The following TOM1L1 variants were observed in gnomAD, a reference collection of about 807,000 sequenced individuals.
TOM1L1 encodes the protein TOM1-like protein 1.
In TOM1L1, 64 loss-of-function variants were observed where a neutral mutation model predicts 63.4. The ratio of observed to expected loss-of-function variants is 1.01; its 90% CI spans 0.83 to 1.24. The LOEUF is 1.24. Among genes scored for constraint, TOM1L1 ranks in the 50% most tolerant of loss-of-function variants. The pLI is 0.00. For missense variants in TOM1L1, 536 were observed against 567.0 expected (o/e 0.95, Z 0.55); for synonymous variants, 166 against 194.4 (o/e 0.85, Z 1.22).
At chr17:54,949,433 T>G in intron 12 of TOM1L1, 85 bp from the exon 13 acceptor site, 2 of 979,484 alleles carry the variant, frequency 2.0e-6, no homozygotes, top group Non-Finnish European at 3.2e-6. Context: ...CTTGGAACAA[T>G]GTACTTGCAA....
intron 8 of TOM1L1, among the ~76,000 whole-genome samples, chr17:54,934,716 T>A (rs1259411103): frequency 3.9e-5 from 1 of 25,492 alleles, no homozygotes; most frequent in Non-Finnish European, 7.8e-5. Context: ...TAGATGGATT[T>A]TTTTTTTTTT....
chr17:54,960,440 T>C, intron 14 of TOM1L1, 126 bp from the exon 15 acceptor site: 1 of 683,918 alleles, frequency 1.5e-6, no homozygotes, highest in South Asian at 1.7e-5. Context: ...AGAGACTTAT[T>C]TTTACTCATA....
At chr17:54,927,334 G>A (rs970975618) in intron 7 of TOM1L1, among the ~76,000 whole-genome samples, 10 of 152,124 alleles carry the variant, frequency 6.6e-5, no homozygotes, top group Admixed American at 1.3e-4. Context: ...GCTCTTTCAA[G>A]AGAGATATTC....
intron 7 of TOM1L1, among the ~76,000 whole-genome samples, chr17:54,917,739 C>T (rs1361650808): frequency 6.6e-6 from 1 of 152,200 alleles, no homozygotes; most frequent in African/African-American, 2.4e-5. Context: ...GCATTCTCTG[C>T]TGACCCAGCT....
chr17:54,960,221 T>C (rs2077081471), intron 14 of TOM1L1, among the ~76,000 whole-genome samples: 1 of 151,918 alleles, frequency 6.6e-6, no homozygotes, highest in African/African-American at 2.4e-5. Flanking sequence ...AAAAATTAGC[T>C]GGGCATGGTT....
At chr17:54,937,599 A>G (rs1348901830) in intron 10 of TOM1L1, 1 of 170,600 alleles carries the variant, frequency 5.9e-6, no homozygotes, top group African/African-American at 2.4e-5. Context: ...TCTCTGATGC[A>G]AGCGGAGAAA....
intron 14 of TOM1L1, 148 bp from the exon 15 acceptor site, chr17:54,960,418 A>T (rs1462645855): frequency 1.6e-6 from 1 of 609,200 alleles, no homozygotes; most frequent in African/African-American, 1.8e-5. Context: ...ACTAGAATAC[A>T]CACTTCAGGG....
At chr17:54,904,184 G>A (rs1183484395) in intron 2 of TOM1L1, among the ~76,000 whole-genome samples, 2 of 152,010 alleles carry the variant, frequency 1.3e-5, no homozygotes, top group South Asian at 2.1e-4. Flanking sequence ...TGGCTAACAC[G>A]TTGAAACCCC....
At chr17:54,927,253 T>C (rs1008506007) in intron 7 of TOM1L1, among the ~76,000 whole-genome samples, 1 of 152,244 alleles carries the variant, frequency 6.6e-6, no homozygotes, top group Non-Finnish European at 1.5e-5. Flanking sequence ...TATGGGCTGA[T>C]AATAGGGATA....
At chr17:54,907,385 G>T (rs553463852) in intron 3 of TOM1L1, among the ~76,000 whole-genome samples, 1 of 152,240 alleles carries the variant, frequency 6.6e-6, no homozygotes, top group South Asian at 2.1e-4. Flanking sequence ...TTATTTCCGA[G>T]ATGAAAATGG....
At chr17:54,937,032 T>G in intron 9 of TOM1L1, 77 bp from the exon 10 acceptor site, 2 of 1,230,550 alleles carry the variant, frequency 1.6e-6, no homozygotes, top group Non-Finnish European at 1.2e-6. Context: ...GATCCTCCCC[T>G]CTACAAAGGA....
rs1309592094 is a variant in TOM1L1, at chr17:54,949,629, T to G, written c.1288+6T>G. The G allele has an allele frequency of 6.2e-7, 1 of 1,603,074 alleles. No homozygotes were observed. The highest frequency in any genetic ancestry group is 8.5e-7 in the Non-Finnish European group (1 of 1,169,936). The stretch of plus-strand genomic sequence containing the variant: ...TTTGCCCAGCAATCATCCAGGTACA[T>G]GGGACCTTATTATTCGCATCAAATA... On this transcript the variant is annotated splice_donor_region_variant and intron_variant, in intron 13 of 15. Coordinates refer to ENST00000575882, the MANE Select transcript of TOM1L1 (RefSeq NM_005486.3).
At chr17:54,934,510 C>G (rs1394987010) in intron 8 of TOM1L1, among the ~76,000 whole-genome samples, 1 of 152,168 alleles carries the variant, frequency 6.6e-6, no homozygotes, top group African/African-American at 2.4e-5. Context: ...CACTCTCTGG[C>G]CCCTAAAGAT....
At position 54,961,806 on chromosome 17, in the gene TOM1L1, T is replaced by C. The variant is rs1744258891; in HGVS notation, c.*573T>C. The C allele has an allele frequency of 6.1e-6, 6 of 985,932 alleles. No individual in the cohort carries two copies. Among genetic ancestry groups the C allele is most frequent in the Non-Finnish European group, 6.0e-6 (5 of 829,916 alleles). The allele number at this position is 985,932 out of a possible 1,614,324, so 61.1% of individuals were successfully genotyped here. On this transcript the variant is annotated 3_prime_UTR_variant, in exon 16 of 16. Transcript: ENST00000575882. ...CCTGAACAGGTCACTAGACTCTACA[T>C]TGGGCAGCCTTTAAATATGATTCTT... is the stretch of plus-strand genomic sequence containing the variant.
At position 54,905,475 on chromosome 17, in the gene TOM1L1, A is replaced by AT; in HGVS notation, c.144-11dup. The AT allele has an allele frequency of 6.3e-7, 1 of 1,589,010 alleles. No homozygotes were observed. Among genetic ancestry groups the AT allele is most frequent in the Non-Finnish European group, 8.6e-7 (1 of 1,161,464 alleles). On this transcript the variant is annotated splice_polypyrimidine_tract_variant and intron_variant, in intron 2 of 15. Coordinates refer to ENST00000575882, the MANE Select transcript of TOM1L1 (RefSeq NM_005486.3). ...ATGCCTAAATTGGTGATTTCAGTGT[A>AT]TTTATTGCTATAGGCCAAAAGATGC...
intron 14 of TOM1L1, chr17:54,958,259 A>G (rs560460314): frequency 6.6e-6 from 1 of 152,364 alleles, no homozygotes; most frequent in East Asian, 1.9e-4. Flanking sequence ...GACAAGTAAG[A>G]TAAGAACTGA....
rs148346062 is a variant in TOM1L1 at position 54,928,740 on chromosome 17, G to A, written c.721-1333G>A. 1.3e-4 allele frequency among the ~76,000 whole-genome samples: 20 copies of A among 152,250 alleles called. 1 individual carries two copies. The East Asian group carries it at 2.7e-3, about 21-fold the overall frequency. ...GTTGCTGAAGATGGCCCTGTGGTTGGCAAATAGGATGGTTTTTCTGGCCGC... is the reference window on the plus strand; with the variant it reads ...GTTGCTGAAGATGGCCCTGTGGTTGACAAATAGGATGGTTTTTCTGGCCGC... On this transcript the variant is annotated intron_variant, in intron 7 of 15. Coordinates refer to ENST00000575882, the MANE Select transcript of TOM1L1 (RefSeq NM_005486.3).
chr17:54,926,841 A>G (rs1033989818), intron 7 of TOM1L1, among the ~76,000 whole-genome samples: 3 of 152,208 alleles, frequency 2.0e-5, no homozygotes, highest in African/African-American at 7.2e-5. Context: ...GTGGAGCTGG[A>G]AGGAGAACTT....
At chr17:54,901,222 C>A (rs1437317532) in intron 1 of TOM1L1, 1 of 443,268 alleles carries the variant, frequency 2.3e-6, no homozygotes, top group African/African-American at 2.0e-5. Context: ...TGGGCCTCCA[C>A]GAGGAGACAC....
Sources: allele counts gnomAD v4.1 joint callset (sites outside exome capture counted in the v4.1 genomes callset), GRCh38; gene constraint gnomAD v4.1.1; transcripts MANE v1.5; gene names NCBI Gene and HGNC (gene_info 2026-07-23, HGNC 2026-07-21).